CBR4: variants seen among roughly 807,000 people sequenced by gnomAD.
CBR4 encodes carbonyl reductase 4, also known as 3-oxoacyl-[acyl-carrier-protein] reductase.
CBR4 carries 22 observed loss-of-function variants against 21.0 expected under a neutral mutation model. The ratio of observed to expected loss-of-function variants is 1.05; its 90% CI spans 0.75 to 1.50. The LOEUF is 1.50. Among genes scored for constraint, CBR4 ranks in the 40% most tolerant of loss-of-function variants. CBR4 has a pLI of 0.00. For synonymous variants in CBR4, 100 were observed against 104.4 expected, an observed-to-expected ratio of 0.96 and a Z score of 0.26; for missense variants, 302 against 286.3, an observed-to-expected ratio of 1.05 and a Z score of -0.40.
intron 2 of CBR4, among the ~76,000 whole-genome samples, chr4:168,912,785 C>T (rs1759254472): frequency 6.6e-6 from 1 of 152,156 alleles, no homozygotes; most frequent in South Asian, 2.1e-4. Context: ...TATTGTTATC[C>T]TACAGTGCTG....
chr4:168,928,744 A>C (rs962720957), intron 2 of CBR4, among the ~76,000 whole-genome samples: 23 of 152,164 alleles, frequency 1.5e-4, no homozygotes, highest in African/African-American at 4.8e-4. Flanking sequence ...TCAGCTCCTG[A>C]AGGCCGCCTG....
chr4:168,933,238 A>G (rs1438935505), intron 2 of CBR4, among the ~76,000 whole-genome samples: 1 of 152,210 alleles, frequency 6.6e-6, no homozygotes, highest in Non-Finnish European at 1.5e-5. Flanking sequence ...GAATAAAAAA[A>G]CCATGCAACT....
At chr4:168,985,609 A>G (rs1212379292), downstream of CBR4, among the ~76,000 whole-genome samples, 4 of 152,206 alleles carry the variant, frequency 2.6e-5, no homozygotes. Flanking sequence ...TGTTCACAAC[A>G]GCAAAGACAT....
chr4:168,952,630 C>G (rs935791036), intron 2 of CBR4, among the ~76,000 whole-genome samples: 4 of 152,144 alleles, frequency 2.6e-5, no homozygotes, highest in Admixed American at 2.6e-4. Context: ...AGCACTCTCC[C>G]CTTTTTCCTA....
intron 2 of CBR4, among the ~76,000 whole-genome samples, chr4:168,941,738 G>A (rs928692506): frequency 1.2e-4 from 19 of 152,118 alleles, no homozygotes; most frequent in Admixed American, 1.0e-3. Context: ...GTTGTTCCCC[G>A]ACTTTTTAAT....
intron 3 of CBR4, among the ~76,000 whole-genome samples, chr4:169,004,409 C>T (rs1466939916): frequency 2.0e-5 from 3 of 152,220 alleles, no homozygotes; most frequent in Non-Finnish European, 2.9e-5. Context: ...GATTTCTCTG[C>T]AGCATGTGAT....
chr4:168,967,973 C>G (rs1489081169), intron 2 of CBR4, among the ~76,000 whole-genome samples: 1 of 152,190 alleles, frequency 6.6e-6, no homozygotes, highest in East Asian at 1.9e-4. Context: ...CGGCCCTCAA[C>G]ACTACCTGAT....
intron 2 of CBR4, chr4:168,921,493 T>C (rs1176823291): frequency 5.7e-6 from 8 of 1,403,024 alleles, no homozygotes; most frequent in Non-Finnish European, 7.9e-6. Context: ...TTTCACTCTG[T>C]TTTAATACAA....
chr4:168,911,131 T>C (rs189534947), intron 2 of CBR4, among the ~76,000 whole-genome samples: 7 of 152,314 alleles, frequency 4.6e-5, no homozygotes, highest in African/African-American at 1.2e-4. Context: ...GTGAGAGATA[T>C]ATGTAGCATC....
At chr4:168,975,217 G>C (rs1269107004) in intron 2 of CBR4, among the ~76,000 whole-genome samples, 1 of 152,190 alleles carries the variant, frequency 6.6e-6, no homozygotes, top group Non-Finnish European at 1.5e-5. Flanking sequence ...ACTCCAGGCT[G>C]GCAATGGGGA....
intron 3 of CBR4, among the ~76,000 whole-genome samples, chr4:169,004,585 G>T (rs1030837424): frequency 6.6e-6 from 1 of 152,172 alleles, no homozygotes; most frequent in Admixed American, 6.5e-5. Context: ...AAACAACTTT[G>T]TTTATCCATA....
intron 2 of CBR4, among the ~76,000 whole-genome samples, chr4:168,943,355 C>A (rs968600866): frequency 9.2e-5 from 14 of 152,156 alleles, no homozygotes; most frequent in Admixed American, 9.2e-4. Flanking sequence ...TTTGAGAAAG[C>A]CACCGCACAA....
At chr4:168,967,272 C>T (rs1035615294) in intron 2 of CBR4, among the ~76,000 whole-genome samples, 4 of 152,132 alleles carry the variant, frequency 2.6e-5, no homozygotes, top group Non-Finnish European at 4.4e-5. Context: ...AACCAAACAC[C>T]GCATGTTCTC....
chr4:168,919,079 T>C (rs953804062), intron 2 of CBR4, among the ~76,000 whole-genome samples: 3 of 152,188 alleles, frequency 2.0e-5, no homozygotes, highest in African/African-American at 7.2e-5. Flanking sequence ...TTATCTCTAT[T>C]TTTAATCATA....
At chr4:168,991,238 T>TG (rs1443155297) in intron 4 of CBR4, among the ~76,000 whole-genome samples, 1 of 152,176 alleles carries the variant, frequency 6.6e-6, no homozygotes, top group East Asian at 1.9e-4. Flanking sequence ...TTCCACTCTT[T>TG]GGGGAACCTA....
At chr4:168,961,316 T>C (rs374989495) in intron 2 of CBR4, among the ~76,000 whole-genome samples, 5 of 152,314 alleles carry the variant, frequency 3.3e-5, no homozygotes, top group African/African-American at 1.2e-4. Flanking sequence ...TTTCTACATA[T>C]ATATATCTAA....
intron 2 of CBR4, chr4:168,898,221 C>G (rs913097301): frequency 1.0e-4 from 50 of 481,004 alleles, no homozygotes; most frequent in Middle Eastern, 1.2e-3. Context: ...CCCCTTGTTT[C>G]CCCTCGCCTC....
intron 2 of CBR4, among the ~76,000 whole-genome samples, chr4:168,945,251 T>G (rs1385138321): frequency 6.6e-6 from 1 of 152,156 alleles, no homozygotes; most frequent in Non-Finnish European, 1.5e-5. Flanking sequence ...CACCAAAGCT[T>G]AAGAACCACT....
chr4:168,988,213 A>C lies in CBR4; in HGVS notation c.*1937T>G. The C allele has an allele frequency of 1.0e-6, 1 of 985,460 alleles. No homozygotes were observed. The highest frequency in any genetic ancestry group is 1.2e-6 in the Non-Finnish European group (1 of 829,930). 61.0% of individuals were successfully genotyped at this position (985,460 alleles called of 1,614,324 possible). A position where few individuals can be genotyped will look rare whatever the true frequency, so the allele number is the denominator to read the frequency against. The stretch of plus-strand genomic sequence containing the variant: ...GGATTCACCTGGAGTGGAGCAGTGA[A>C]GGTTTATTTTACCTCTTTCAAGATC... On this transcript the variant is annotated 3_prime_UTR_variant, in exon 5 of 5. Coordinates refer to ENST00000306193, the MANE Select transcript of CBR4 (RefSeq NM_032783.5).
Sources: allele counts gnomAD v4.1 joint callset (sites outside exome capture counted in the v4.1 genomes callset), GRCh38; gene constraint gnomAD v4.1.1; transcripts MANE v1.5; gene names NCBI Gene and HGNC (gene_info 2026-07-23, HGNC 2026-07-21).